Variants in CNTN6 observed in about 807,000 individuals in gnomAD.
CNTN6 encodes contactin-6.
Under a neutral mutation model 122.8 loss-of-function variants are expected in CNTN6, and 137 were observed. The observed-to-expected ratio is 1.12, with a 90% CI of 0.97 to 1.29. CNTN6 has a LOEUF of 1.29. CNTN6 is among the 50% of genes most tolerant of loss of function. The pLI, the probability that CNTN6 is intolerant of heterozygous loss-of-function variation, is 0.00. For synonymous variants in CNTN6, 570 were observed against 426.0 expected (o/e 1.34, Z -4.16); for missense variants, 1,634 against 1,223.4 (o/e 1.34, Z -5.01).
At chr3:1,361,164 C>T (rs540258913) in intron 12 of CNTN6, among the ~76,000 whole-genome samples, 1 of 152,186 alleles carries the variant, frequency 6.6e-6, no homozygotes, top group African/African-American at 2.4e-5. Context: ...CACCCGACCC[C>T]ATCCGCTGCC....
At chr3:1,198,802 C>G (rs1205830324) in intron 2 of CNTN6, among the ~76,000 whole-genome samples, 3 of 151,992 alleles carry the variant, frequency 2.0e-5, no homozygotes, top group Non-Finnish European at 4.4e-5. Flanking sequence ...TCCAAAGCAT[C>G]CGCACCCACT....
intron 11 of CNTN6, among the ~76,000 whole-genome samples, chr3:1,334,201 A>G (rs1284539180): frequency 6.6e-6 from 1 of 152,110 alleles, no homozygotes; most frequent in Non-Finnish European, 1.5e-5. Flanking sequence ...CATCTGTCTC[A>G]TTCTTTTTAG....
intron 1 of CNTN6, among the ~76,000 whole-genome samples, chr3:1,104,587 G>A (rs2091126374): frequency 6.6e-6 from 1 of 152,068 alleles, no homozygotes; most frequent in Non-Finnish European, 1.5e-5. Context: ...TATAACAAGT[G>A]AAGGAAAATT....
At chr3:1,203,329 C>A (rs2093911438) in intron 2 of CNTN6, among the ~76,000 whole-genome samples, 1 of 152,146 alleles carries the variant, frequency 6.6e-6, no homozygotes, top group African/African-American at 2.4e-5. Flanking sequence ...TAGGCAAGAT[C>A]CCTGAGACAG....
chr3:1,337,083 G>A (rs189255802), intron 11 of CNTN6, among the ~76,000 whole-genome samples: 14 of 152,224 alleles, frequency 9.2e-5, no homozygotes, highest in East Asian at 3.9e-4. Flanking sequence ...TTTGAAAGCC[G>A]TTAGCATAAT....
intron 4 of CNTN6, among the ~76,000 whole-genome samples, chr3:1,277,869 C>A (rs959644588): frequency 2.0e-5 from 3 of 152,130 alleles, no homozygotes; most frequent in Non-Finnish European, 4.4e-5. Context: ...TGCAGGAAAT[C>A]ACCACATTCC....
At chr3:1,313,890 C>T (rs1463259306) in intron 7 of CNTN6, among the ~76,000 whole-genome samples, 1 of 151,980 alleles carries the variant, frequency 6.6e-6, no homozygotes, top group Non-Finnish European at 1.5e-5. Flanking sequence ...TGTGTCCTCG[C>T]ATGGTGGAAG....
At chr3:1,296,212 C>A (rs947648868) in intron 6 of CNTN6, among the ~76,000 whole-genome samples, 1 of 151,966 alleles carries the variant, frequency 6.6e-6, no homozygotes, top group Non-Finnish European at 1.5e-5. Flanking sequence ...CCATATTTGC[C>A]CTTTTTTTGT....
intron 20 of CNTN6, among the ~76,000 whole-genome samples, chr3:1,401,086 A>C (rs75125432): frequency 6.6e-6 from 1 of 151,704 alleles, no homozygotes; most frequent in Admixed American, 6.6e-5. Context: ...TTTGCCAAAC[A>C]TGCTCATTGA....
intron 1 of CNTN6, among the ~76,000 whole-genome samples, chr3:1,145,193 C>A (rs1034684454): frequency 2.0e-5 from 3 of 152,146 alleles, no homozygotes; most frequent in African/African-American, 7.2e-5. Flanking sequence ...ACCAGATCAA[C>A]GGGTTTATTA....
chr3:1,311,137 AT>A (rs1699167235), intron 7 of CNTN6, among the ~76,000 whole-genome samples: 1 of 141,938 alleles, frequency 7.0e-6, no homozygotes, highest in Admixed American at 7.0e-5. Context: ...GTGTATGTAT[AT>A]ATAAAATGTC....
intron 1 of CNTN6, among the ~76,000 whole-genome samples, chr3:1,134,549 C>T (rs76103899): frequency 0.03 from 4,631 of 152,204 alleles, 131 homozygotes; most frequent in African/African-American, 0.071. Flanking sequence ...ATTAAGATCA[C>T]AGTTTTGTCC....
chr3:1,109,078 A>C lies in CNTN6; in HGVS notation c.-83+15958A>C, dbSNP rs570844328. On this transcript the variant is annotated intron_variant, in intron 1 of 22. Coordinates refer to ENST00000446702, the MANE Select transcript of CNTN6 (RefSeq NM_001289080.2). ...GAAGAAAGTTTTTCTTGTTTTAATA[A>C]GATTATAAAAAGAATAACAGACATA... is the stretch of plus-strand genomic sequence containing the variant. Among the ~76,000 whole-genome samples, 10 of 152,206 alleles carry C rather than the reference A, an allele frequency of 6.6e-5. No individual in the cohort carries two copies. The South Asian group carries it at 1.9e-3, about 28-fold the overall frequency.
rs145239077 is a variant in CNTN6 at position 1,152,777 on chromosome 3, A to G, written c.55+4714A>G. Among the ~76,000 whole-genome samples the G allele has an allele frequency of 1.5e-3, 231 of 152,342 alleles. 1 individual carries two copies. The highest frequency in any genetic ancestry group is 6.8e-3 in the Middle Eastern group (2 of 294). On this transcript the variant is annotated intron_variant, in intron 2 of 22. Transcript: ENST00000446702. ...ATGATAATAGGTTGAATCGTGTGCT[A>G]TATCTGTTCTTATGAGTTAACCAGG...
intron 2 of CNTN6, among the ~76,000 whole-genome samples, chr3:1,160,393 T>G (rs1264234025): frequency 7.4e-6 from 1 of 134,492 alleles, no homozygotes; most frequent in Non-Finnish European, 1.6e-5. Context: ...GGTCATTTAG[T>G]GTGTATTCTT....
chr3:1,233,690 G>A (rs749310075), intron 4 of CNTN6, among the ~76,000 whole-genome samples: 7 of 137,354 alleles, frequency 5.1e-5, no homozygotes, highest in East Asian at 2.2e-4. Flanking sequence ...AGCTGAGATC[G>A]TGCCAGTACA....
rs1482718789 is a variant in CNTN6, at chr3:1,175,630, G to C, written c.55+27567G>C. ...TATTAAAGACTTTCTAGCTGCAAGA[G>C]GGCAGTAGAGCAGGAGAGGCAAACA... On this transcript the variant is annotated intron_variant, in intron 2 of 22. Transcript: ENST00000446702. Among the ~76,000 whole-genome samples the C allele has an allele frequency of 3.3e-5, 5 of 152,198 alleles. No homozygotes were observed. In the East Asian group the frequency reaches 9.6e-4, roughly 29 times the overall value.
chr3:1,398,330 C>A (rs890474850), intron 20 of CNTN6, among the ~76,000 whole-genome samples: 11 of 152,104 alleles, frequency 7.2e-5, no homozygotes, highest in Non-Finnish European at 1.3e-4. Flanking sequence ...AGGATTGACA[C>A]TGGAGAAACA....
chr3:1,160,367 T>TATAC (rs1491110079), intron 2 of CNTN6, among the ~76,000 whole-genome samples: 1 of 112,546 alleles, frequency 8.9e-6, no homozygotes, highest in Admixed American at 9.2e-5. Context: ...TATATATATA[T>TATAC]ACACACTACC....
Sources: allele counts gnomAD v4.1 joint callset (sites outside exome capture counted in the v4.1 genomes callset), GRCh38; gene constraint gnomAD v4.1.1; transcripts MANE v1.5; gene names NCBI Gene and HGNC (gene_info 2026-07-23, HGNC 2026-07-21).